SORCS3: variants seen among roughly 807,000 people sequenced by gnomAD.
The protein encoded by SORCS3 is sortilin related VPS10 domain containing receptor 3.
SORCS3 carries 57 observed loss-of-function variants against 146.3 expected under a neutral mutation model. The ratio of observed to expected loss-of-function variants is 0.39; its 90% CI spans 0.31 to 0.49. The LOEUF (loss-of-function observed/expected upper bound fraction) is 0.49. Ranked by LOEUF, SORCS3 falls within the 20% of genes least tolerant of loss-of-function variation. The probability of loss-of-function intolerance (pLI) is 0.92; values close to 1 mark genes in which losing one functional copy is unlikely to be tolerated. For missense variants in SORCS3, 1,341 were observed against 1,575.5 expected, an observed-to-expected ratio of 0.85 and a Z score of 2.52; for synonymous variants, 653 against 618.5, an observed-to-expected ratio of 1.06 and a Z score of -0.83.
At chr10:104,748,227 C>T (rs1589483591) in intron 1 of SORCS3, among the ~76,000 whole-genome samples, 1 of 152,170 alleles carries the variant, frequency 6.6e-6, no homozygotes, top group Non-Finnish European at 1.5e-5. Flanking sequence ...ATTCTATAAT[C>T]TCTTTCTTAG....
At chr10:104,870,996 C>T (rs775249634) in intron 2 of SORCS3, among the ~76,000 whole-genome samples, 1 of 152,156 alleles carries the variant, frequency 6.6e-6, no homozygotes, top group South Asian at 2.1e-4. Flanking sequence ...GCAGAAAGCA[C>T]AGTGGGCAGA....
At chr10:104,659,738 G>A (rs2015676837) in intron 1 of SORCS3, among the ~76,000 whole-genome samples, 1 of 152,190 alleles carries the variant, frequency 6.6e-6, no homozygotes, top group African/African-American at 2.4e-5. Flanking sequence ...GCTTGCCAAG[G>A]CGCCTGCCCT....
intron 25 of SORCS3, among the ~76,000 whole-genome samples, chr10:105,261,745 G>A (rs954189770): frequency 1.3e-5 from 2 of 152,210 alleles, no homozygotes; most frequent in South Asian, 2.1e-4. Flanking sequence ...GAGCTATTTA[G>A]CTTCTCTTAA....
At position 104,848,395 on chromosome 10, in the gene SORCS3, A is replaced by G. The variant is rs544387808; in HGVS notation, c.695+5536A>G. Reference sequence around the variant, plus strand: ...TTTGTTTGCCAAGAAAACCCTGATAATAATTGCTAAGACTTCCCAGAAGTT... The same window carrying G: ...TTTGTTTGCCAAGAAAACCCTGATAGTAATTGCTAAGACTTCCCAGAAGTT... On this transcript the variant is annotated intron_variant, in intron 2 of 26. Coordinates refer to ENST00000369701, the MANE Select transcript of SORCS3 (RefSeq NM_014978.3). Among the ~76,000 whole-genome samples the G allele has an allele frequency of 2.9e-3, 448 of 152,264 alleles. 2 individuals are homozygous for G. The highest frequency in any genetic ancestry group is 0.018 in the South Asian group (89 of 4,818).
intron 5 of SORCS3, among the ~76,000 whole-genome samples, chr10:105,061,652 CAAA>C (rs57641383): frequency 0.051 from 6,720 of 132,510 alleles, 176 homozygotes; most frequent in Middle Eastern, 0.081. Flanking sequence ...GACCCTATCT[CAAA>C]AAAAAAAAAA....
chr10:105,243,513 C>A (rs2056848745), intron 20 of SORCS3, among the ~76,000 whole-genome samples: 1 of 152,104 alleles, frequency 6.6e-6, no homozygotes, highest in African/African-American at 2.4e-5. Context: ...CACTATTGAC[C>A]CTTTGGATTT....
intron 20 of SORCS3, among the ~76,000 whole-genome samples, chr10:105,225,888 C>T (rs775500552): frequency 6.6e-6 from 1 of 151,844 alleles, no homozygotes; most frequent in Non-Finnish European, 1.5e-5. Context: ...TGGTATGTAA[C>T]ACTACTGTTT....
chr10:105,077,567 G>C (rs1670011), intron 5 of SORCS3, among the ~76,000 whole-genome samples: 8,482 of 33,038 alleles, frequency 0.26, 441 homozygotes, highest in East Asian at 0.48. Flanking sequence ...CACACACACA[G>C]AGGGATGGTA....
chr10:104,967,566 C>A (rs1334561151), intron 3 of SORCS3, among the ~76,000 whole-genome samples: 1 of 152,100 alleles, frequency 6.6e-6, no homozygotes, highest in African/African-American at 2.4e-5. Flanking sequence ...CCACAAAGTT[C>A]AGGAATAATG....
At chr10:104,704,812 G>T (rs2016317851) in intron 1 of SORCS3, among the ~76,000 whole-genome samples, 1 of 152,110 alleles carries the variant, frequency 6.6e-6, no homozygotes. Context: ...CAACTCATTT[G>T]CAGATCCCCA....
At chr10:104,845,144 G>A (rs190472087) in intron 2 of SORCS3, among the ~76,000 whole-genome samples, 23 of 152,126 alleles carry the variant, frequency 1.5e-4, no homozygotes, top group Admixed American at 1.5e-3. Context: ...CCTCTCTCTG[G>A]TCATAGGTCA....
chr10:105,109,025 G>A (rs1309515934), intron 7 of SORCS3, among the ~76,000 whole-genome samples: 3 of 152,070 alleles, frequency 2.0e-5, no homozygotes, highest in African/African-American at 7.2e-5. Flanking sequence ...GCTTTCCTGT[G>A]TGTCTGATAA....
chr10:105,247,320 G>A lies in SORCS3; in HGVS notation c.3094G>A (p.Ala1032Thr), dbSNP rs1221453429. The change falls in exon 22 of 27, where the codon GCT becomes ACT. Residue 1032 changes from alanine to threonine, a missense_variant. Transcript: ENST00000369701. ...AGATATTGGCAATGTCATCAAGCGA[G>A]CTCTGGTTAAAGTAAGTTGGCTTTG... is the stretch of plus-strand genomic sequence containing the variant. ...RKDIGNVIKR[A>T]LVKVTSVPED... 26 of 1,602,132 alleles carry A rather than the reference G, an allele frequency of 1.6e-5. No individual in the cohort carries two copies. The highest frequency in any genetic ancestry group is 2.1e-5 in the Non-Finnish European group (25 of 1,170,102).
At chr10:105,145,544 A>G (rs2056124792) in intron 8 of SORCS3, among the ~76,000 whole-genome samples, 2 of 152,144 alleles carry the variant, frequency 1.3e-5, no homozygotes, top group South Asian at 4.1e-4. Context: ...TGACCAAAAC[A>G]TCTGGGAAAA....
At chr10:105,208,869 A>G (rs2056617776) in intron 16 of SORCS3, among the ~76,000 whole-genome samples, 3 of 152,188 alleles carry the variant, frequency 2.0e-5, no homozygotes, top group Admixed American at 2.0e-4. Flanking sequence ...TGAGATCTCC[A>G]GTAGTTAATC....
chr10:105,261,725 T>C (rs2056961452), intron 25 of SORCS3, among the ~76,000 whole-genome samples: 1 of 152,202 alleles, frequency 6.6e-6, no homozygotes, highest in African/African-American at 2.4e-5. Context: ...TATGTTTCTG[T>C]CTTTGAATAG....
chr10:105,174,719 C>T (rs2056385804), intron 13 of SORCS3, among the ~76,000 whole-genome samples: 1 of 151,934 alleles, frequency 6.6e-6, no homozygotes, highest in South Asian at 2.1e-4. Context: ...TGTTGTTTAT[C>T]ATCCTTCCTT....
chr10:105,073,800 G>A (rs2055572588), intron 5 of SORCS3, among the ~76,000 whole-genome samples: 1 of 152,104 alleles, frequency 6.6e-6, no homozygotes, highest in East Asian at 1.9e-4. Flanking sequence ...TTTGTTCCCA[G>A]GTGGTCGCTA....
chr10:105,100,281 A>G (rs539126706), intron 6 of SORCS3, among the ~76,000 whole-genome samples: 1 of 152,344 alleles, frequency 6.6e-6, no homozygotes, highest in Non-Finnish European at 1.5e-5. Flanking sequence ...ATTTAGAAAT[A>G]TATTAAGCAT....
Sources: gnomAD v4.1 joint callset for allele counts (sites outside exome capture counted in the v4.1 genomes callset) on GRCh38, gnomAD v4.1.1 for gene constraint, MANE v1.5 for transcripts, NCBI Gene and HGNC (gene_info 2026-07-23, HGNC 2026-07-21) for gene names.